GFRA3: variants seen among roughly 807,000 people sequenced by gnomAD.
GFRA3 encodes the protein GDNF family receptor alpha-3.
Under a neutral mutation model 40.0 loss-of-function variants are expected in GFRA3, and 24 were observed. The observed-to-expected ratio is 0.60, with a 90% CI of 0.43 to 0.84. The LOEUF (loss-of-function observed/expected upper bound fraction) is 0.84, where lower values mean the gene tolerates loss of function less well. Ranked by LOEUF, GFRA3 falls within the 40% of genes least tolerant of loss-of-function variation. GFRA3 has a pLI of 0.00. For missense variants in GFRA3, 405 were observed against 530.6 expected, an observed-to-expected ratio of 0.76 and a Z score of 2.33; for synonymous variants, 203 against 213.5, an observed-to-expected ratio of 0.95 and a Z score of 0.43.
intron 2 of GFRA3, among the ~76,000 whole-genome samples, chr5:138,260,086 T>G (rs1755689250): frequency 1.3e-5 from 2 of 152,072 alleles, no homozygotes; most frequent in Admixed American, 1.3e-4. Context: ...TGTTTCCAAT[T>G]ATTTGTTCCC....
rs748018855 is a variant in GFRA3 at position 138,253,870 on chromosome 5, T to C, written c.920A>G (p.Asn307Ser). ...GTAMTPNFVS[N>S]VNTSVALSCT... is the part of the protein sequence containing the mutation. ...GCTTAAGGCAACACTGGTGTTGACA[T>C]TGCTGACAAAGTTGGGGGTCATGGC... Residue 307 changes from asparagine to serine, a missense_variant, in exon 6 of 8, where the codon AAT becomes AGT. By Grantham distance (46) the Asn-to-Ser change is conservative. Transcript: ENST00000274721. 1.4e-5 allele frequency: 22 copies of C among 1,614,090 alleles called. No individual in the cohort carries two copies. In the East Asian group the frequency reaches 1.6e-4, roughly 11 times the overall value.
At chr5:138,253,662 T>G in intron 6 of GFRA3, 104 bp downstream of exon 6, 2 of 1,043,204 alleles carry the variant, frequency 1.9e-6, no homozygotes, top group Non-Finnish European at 2.9e-6. Flanking sequence ...CTCTGTTTGG[T>G]GGAGATGGAT....
In GFRA3 at chr5:138,262,941, ATGTT is replaced by A. The variant is rs772289573; in HGVS notation, c.379+1316_379+1319del. Among the ~76,000 whole-genome samples the A allele has an allele frequency of 1.8e-4, 27 of 151,926 alleles. 1 individual carries two copies. The highest frequency in any genetic ancestry group is 1.0e-3 in the South Asian group (5 of 4,802). ...GATCCTAGACTTGAAGCCTGATGTC[ATGTT>A]TGTTTGTTTGTTTGTTTGCTTTTTG... On this transcript the variant is annotated intron_variant, in intron 2 of 7. Coordinates refer to ENST00000274721, the MANE Select transcript of GFRA3 (RefSeq NM_001496.4).
intron 1 of GFRA3, among the ~76,000 whole-genome samples, chr5:138,266,089 TG>T (rs1005106353): frequency 2.0e-4 from 30 of 152,360 alleles, no homozygotes; most frequent in South Asian, 1.2e-3. Flanking sequence ...ACACTTGGGT[TG>T]CTTCCACCTT....
At chr5:138,268,442 C>T (rs1407459373) in intron 1 of GFRA3, among the ~76,000 whole-genome samples, 1 of 144,792 alleles carries the variant, frequency 6.9e-6, no homozygotes, top group Non-Finnish European at 1.5e-5. Context: ...ATAGCTGGTA[C>T]TTAATTAAAC....
Position 138,274,360 on chromosome 5 carries a change from GGCA to G in GFRA3, c.62_64del (p.Leu21del), listed in dbSNP as rs759860244. ...GGCTGCGAGAGGCAGCGGCGACGGC[GGCA>G]GCAGCAGCAGCAACATCAGGACTAC... On this transcript the variant is annotated inframe_deletion, in exon 1 of 8. Coordinates refer to ENST00000274721, the MANE Select transcript of GFRA3 (RefSeq NM_001496.4). 5.6e-5 allele frequency: 75 copies of G among 1,334,526 alleles called. No homozygotes were observed. Among genetic ancestry groups the G allele is most frequent in the South Asian group, 4.5e-4 (19 of 42,196 alleles). The allele number at this position is 1,334,526 out of a possible 1,614,324, so 82.7% of individuals were successfully genotyped here.
rs773956350 is a variant in GFRA3, at chr5:138,253,370, C to A, written c.1030G>T (p.Ala344Ser). 1 of 1,587,062 alleles carries A rather than the reference C, an allele frequency of 6.3e-7. No individual in the cohort carries two copies. The highest frequency in any genetic ancestry group is 2.2e-5 in the East Asian group (1 of 44,584). Reference sequence around the variant, plus strand: ...TGAAAACGCATCTTAGCTGCAATGGCCTCCGCTGAAGAGAGGAGAGAAGGC... The same window carrying A: ...TGAAAACGCATCTTAGCTGCAATGGACTCCGCTGAAGAGAGGAGAGAAGGC... ...FFSHNPCLTE[A>S]IAAKMRFHSQ... Residue 344 changes from alanine (A) to serine (S), a missense_variant, in exon 7 of 8, where the codon GCC becomes TCC. By Grantham distance (99) the Ala-to-Ser change is moderately conservative. Coordinates refer to ENST00000274721, the MANE Select transcript of GFRA3 (RefSeq NM_001496.4).
At chr5:138,258,240 G>C (rs1375672310) in intron 3 of GFRA3, among the ~76,000 whole-genome samples, 2 of 135,616 alleles carry the variant, frequency 1.5e-5, no homozygotes, top group Non-Finnish European at 3.1e-5. Context: ...AAGTGCAATG[G>C]CGTGATCTCG....
Position 138,252,974 on chromosome 5 carries a change from T to C in GFRA3, c.1197A>G (p.Leu399=), listed in dbSNP as rs766278052. The C allele has an allele frequency of 2.5e-6, 4 of 1,590,446 alleles. No homozygotes were observed. The highest frequency in any genetic ancestry group is 2.6e-6 in the Non-Finnish European group (3 of 1,159,168). The part of the protein sequence containing the change: ...CTLPLILLLS[L]W ...GGGCCCTGGGGAAGTCCAGCTACCA[T>C]AGGCTCAGGAGCAGAATCAAGGGAA... is the stretch of plus-strand genomic sequence containing the variant. Residue 399 remains leucine (L), a synonymous_variant, in exon 8 of 8, where the codon CTA becomes CTG. Transcript: ENST00000274721.
At position 138,257,713 on chromosome 5, in the gene GFRA3, G is replaced by C; in HGVS notation, c.711C>G (p.Pro237=). 1.2e-6 allele frequency: 2 copies of C among 1,610,454 alleles called. No individual in the cohort carries two copies. Among genetic ancestry groups the C allele is most frequent in the Non-Finnish European group, 1.7e-6 (2 of 1,178,850 alleles). The change falls in exon 4 of 8, where the codon CCC becomes CCG. Residue 237 remains proline (P), a synonymous_variant. Transcript: ENST00000274721. ...CGERRRNTIA[P]NCALPPVAPN... ...GGGCCACAGGCGGCAGCGCGCAGTT[G>C]GGGGCGATGGTGTTGCGCCGGCGCT... is the stretch of plus-strand genomic sequence containing the variant.
rs779906519 is a variant in GFRA3 at position 138,264,242 on chromosome 5, T to C, written c.379+19A>G. The C allele has an allele frequency of 8.6e-5, 135 of 1,570,670 alleles. No homozygotes were observed. The highest frequency in any genetic ancestry group is 1.1e-4 in the Non-Finnish European group (126 of 1,151,528). ...AGCCATCTTCCCCAGCTTAGTCCAC[T>C]CTATAATGGGAGCCTCACCAAGGCT... On this transcript the variant is annotated intron_variant, in intron 2 of 7. Coordinates refer to ENST00000274721, the MANE Select transcript of GFRA3 (RefSeq NM_001496.4).
chr5:138,271,945 G>GTGTGTGTGTA (rs1581515827), intron 1 of GFRA3, among the ~76,000 whole-genome samples: 1 of 124,092 alleles, frequency 8.1e-6, no homozygotes, highest in Non-Finnish European at 1.7e-5. Context: ...GTGTGTGTGT[G>GTGTGTGTGTA]GTTTGGTTGT....
At chr5:138,255,843 T>G (rs993008159) in intron 4 of GFRA3, among the ~76,000 whole-genome samples, 2 of 144,764 alleles carry the variant, frequency 1.4e-5, no homozygotes, top group Non-Finnish European at 3.0e-5. Context: ...GAGGTTGCAG[T>G]AAGCCGAGAT....
rs66792829 is a variant in GFRA3, at chr5:138,258,166, C to CTTTTTTTTTT, written c.473-225_473-216dup. On this transcript the variant is annotated intron_variant, in intron 3 of 7. Transcript: ENST00000274721. The stretch of plus-strand genomic sequence containing the variant: ...TTGAAGCCTTCCCCACCCTACTCCT[C>CTTTTTTTTTT]TTTTTTTTTTTTTTTTTTTTTTTTT... Among the ~76,000 whole-genome samples, 46 of 51,644 alleles carry CTTTTTTTTTT rather than the reference C, an allele frequency of 8.9e-4. 5 individuals carry two copies. Among genetic ancestry groups the CTTTTTTTTTT allele is most frequent in the Non-Finnish European group, 1.2e-3 (35 of 30,036 alleles). The allele number at this position is 51,644 out of a possible 152,430, so 33.9% of individuals were successfully genotyped here. A position where few individuals can be genotyped will look rare whatever the true frequency, so the allele number is the denominator to read the frequency against.
chr5:138,256,797 A>G (rs1755637885), intron 4 of GFRA3, among the ~76,000 whole-genome samples: 1 of 150,328 alleles, frequency 6.7e-6, no homozygotes, highest in Non-Finnish European at 1.5e-5. Flanking sequence ...AAATAAAGAA[A>G]TTAGCTGGGC....
At chr5:138,261,173 A>T (rs577406678) in intron 2 of GFRA3, among the ~76,000 whole-genome samples, 185 of 152,360 alleles carry the variant, frequency 1.2e-3, no homozygotes, top group African/African-American at 4.3e-3. Flanking sequence ...TTCATTATGC[A>T]GTGGCAAAGC....
chr5:138,257,492 C>T (rs569544537), intron 4 of GFRA3, 147 bp downstream of exon 4: 670 of 608,940 alleles, frequency 1.1e-3, no homozygotes, highest in Non-Finnish European at 1.3e-3. Flanking sequence ...AAGACTTTCA[C>T]AAAATATCCA....
At chr5:138,264,609 A>G in intron 1 of GFRA3, 61 bp from the exon 2 acceptor site, 2 of 1,161,600 alleles carry the variant, frequency 1.7e-6, no homozygotes, top group Non-Finnish European at 2.5e-6. Context: ...GGGAATACCA[A>G]GTCATGAGGT....
In GFRA3 at chr5:138,252,973, A is replaced by T. The variant is rs147283363; in HGVS notation, c.1198T>A (p.Trp400Arg). 8 of 1,589,186 alleles carry T rather than the reference A, an allele frequency of 5.0e-6. No homozygotes were observed. The highest frequency in any genetic ancestry group is 1.3e-5 in the African/African-American group (1 of 74,418). ...TLPLILLLSLW is the reference protein window; with the variant it reads ...TLPLILLLSLR The stretch of plus-strand genomic sequence containing the variant: ...AGGGCCCTGGGGAAGTCCAGCTACC[A>T]TAGGCTCAGGAGCAGAATCAAGGGA... Residue 400 changes from tryptophan (W) to arginine (R), a missense_variant, in exon 8 of 8, where the codon TGG becomes AGG. By Grantham distance (101) the Trp-to-Arg change is moderately radical. Coordinates refer to ENST00000274721, the MANE Select transcript of GFRA3 (RefSeq NM_001496.4).
Sources: allele counts gnomAD v4.1 joint callset (sites outside exome capture counted in the v4.1 genomes callset), GRCh38; gene constraint gnomAD v4.1.1; transcripts MANE v1.5; gene names NCBI Gene and HGNC (gene_info 2026-07-23, HGNC 2026-07-21).